The following CSMD1 variants were observed in gnomAD, a reference collection of about 807,000 sequenced individuals.
The protein encoded by CSMD1 is CUB and sushi domain-containing protein 1.
Under a neutral mutation model 417.5 loss-of-function variants are expected in CSMD1, and 213 were observed. That is an observed-to-expected ratio of 0.51 (90% CI 0.46 to 0.57). The LOEUF is 0.57. Among genes scored for constraint, CSMD1 ranks in the 20% least tolerant of loss-of-function variants. CSMD1 has a pLI of 0.00. For missense variants in CSMD1, 6,923 were observed against 4,529.7 expected (o/e 1.53, Z -15.17); for synonymous variants, 2,862 against 1,736.8 (o/e 1.65, Z -16.11).
chr8:4,335,419 A>T (rs933970624), intron 3 of CSMD1, among the ~76,000 whole-genome samples: 1 of 152,134 alleles, frequency 6.6e-6, no homozygotes, highest in African/African-American at 2.4e-5. Flanking sequence ...TCTTTCTGAA[A>T]CACACCAGAA....
intron 1 of CSMD1, among the ~76,000 whole-genome samples, chr8:4,733,068 G>A (rs576476799): frequency 4.6e-5 from 7 of 151,856 alleles, no homozygotes; most frequent in Non-Finnish European, 1.0e-4. Context: ...AAAAAAGACC[G>A]AGGTTGGTAT....
intron 3 of CSMD1, among the ~76,000 whole-genome samples, chr8:4,370,418 G>C (rs1448450763): frequency 6.6e-6 from 1 of 151,934 alleles, no homozygotes; most frequent in African/African-American, 2.4e-5. Context: ...ATATTGTCTT[G>C]GAAAGGGTCA....
intron 2 of CSMD1, among the ~76,000 whole-genome samples, chr8:4,447,627 C>A (rs1377622688): frequency 1.3e-5 from 2 of 152,192 alleles, no homozygotes; most frequent in Non-Finnish European, 2.9e-5. Context: ...TAAGCTTGTT[C>A]AAAGTCGACA....
At chr8:3,252,089 C>A (rs899123287) in intron 26 of CSMD1, among the ~76,000 whole-genome samples, 3 of 152,322 alleles carry the variant, frequency 2.0e-5, no homozygotes, top group Non-Finnish European at 4.4e-5. Context: ...CCAGAACTTC[C>A]AACACTATGT....
At chr8:4,091,333 A>G (rs1046670242) in intron 3 of CSMD1, among the ~76,000 whole-genome samples, 1 of 152,238 alleles carries the variant, frequency 6.6e-6, no homozygotes. Context: ...TGTAGTTAGA[A>G]TGATTCCATC....
At chr8:4,564,606 T>C (rs760876736) in intron 2 of CSMD1, among the ~76,000 whole-genome samples, 1 of 152,290 alleles carries the variant, frequency 6.6e-6, no homozygotes, top group South Asian at 2.1e-4. Flanking sequence ...CAAATCCAGG[T>C]AACAGTTAAG....
chr8:3,359,807 C>A (rs1019900485), intron 20 of CSMD1, among the ~76,000 whole-genome samples: 4 of 152,244 alleles, frequency 2.6e-5, no homozygotes, highest in Non-Finnish European at 4.4e-5. Flanking sequence ...TCTTAAGTAT[C>A]TTGATATGTT....
At chr8:4,720,270 A>T (rs895205323) in intron 1 of CSMD1, among the ~76,000 whole-genome samples, 15 of 151,884 alleles carry the variant, frequency 9.9e-5, no homozygotes, top group Non-Finnish European at 1.9e-4. Flanking sequence ...AGTTGGAAAA[A>T]TTTTTCCAAA....
At chr8:4,846,887 G>C (rs564320760) in intron 1 of CSMD1, among the ~76,000 whole-genome samples, 15 of 152,174 alleles carry the variant, frequency 9.9e-5, no homozygotes, top group East Asian at 7.7e-4. Context: ...TAGAATAATA[G>C]TGAAACTTAC....
intron 1 of CSMD1, among the ~76,000 whole-genome samples, chr8:4,937,331 T>C (rs529642425): frequency 3.9e-4 from 59 of 152,350 alleles, no homozygotes; most frequent in African/African-American, 1.3e-3. Context: ...TTCCACTGTT[T>C]GTTTTTGTAA....
chr8:4,628,004 AT>A (rs973021538), intron 2 of CSMD1, among the ~76,000 whole-genome samples: 2 of 151,430 alleles, frequency 1.3e-5, no homozygotes, highest in Non-Finnish European at 1.5e-5. Context: ...TTAAAAAAAA[AT>A]GTCTCTAGAT....
In CSMD1 at chr8:3,780,674, G is replaced by A. The variant is rs186793029; in HGVS notation, c.819-26632C>T. ...ATCAAGCCCCTCACCTGTGCAAACC[G>A]CTTCAGTTGTCGGCAGAAAGAGCCC... is the stretch of plus-strand genomic sequence containing the variant. On this transcript the variant is annotated intron_variant, in intron 5 of 69. Coordinates refer to ENST00000635120, the MANE Select transcript of CSMD1 (RefSeq NM_033225.6). 4.6e-3 allele frequency among the ~76,000 whole-genome samples: 698 copies of A among 152,282 alleles called. 3 individuals are homozygous for A. The highest frequency in any genetic ancestry group is 5.9e-3 in the Non-Finnish European group (400 of 68,012).
chr8:4,637,973 C>A (rs1229540648), intron 1 of CSMD1, among the ~76,000 whole-genome samples: 1 of 151,982 alleles, frequency 6.6e-6, no homozygotes, highest in Non-Finnish European at 1.5e-5. Flanking sequence ...CCCGGCCTAG[C>A]CAATTTTTAC....
At position 3,893,339 on chromosome 8, in the gene CSMD1, T is replaced by TTATATATGTATA. The variant is rs1231999334; in HGVS notation, c.818+104563_818+104564insTATACATATATA. The stretch of plus-strand genomic sequence containing the variant: ...TCCCAAACTAATAATATTCACAATT[T>TTATATATGTATA]TATATATATATATATATATATATTA... On this transcript the variant is annotated intron_variant, in intron 5 of 69. Transcript: ENST00000635120. Among the ~76,000 whole-genome samples, 4 of 80,440 alleles carry TTATATATGTATA rather than the reference T, an allele frequency of 5.0e-5. 1 individual carries two copies. In the Admixed American group the frequency reaches 6.6e-4, roughly 13 times the overall value. The allele number at this position is 80,440 out of a possible 152,430, so 52.8% of individuals were successfully genotyped here.
In CSMD1 at chr8:3,559,851, G is replaced by C. The variant is rs1250350982; in HGVS notation, c.1344+15094C>G. On this transcript the variant is annotated intron_variant, in intron 10 of 69. Coordinates refer to ENST00000635120, the MANE Select transcript of CSMD1 (RefSeq NM_033225.6). ...ACAAAACATATGGCAAGACTACTAAGAGGCCCCTAGAGTGGACACAGTGAG... is the reference window on the plus strand; with the variant it reads ...ACAAAACATATGGCAAGACTACTAACAGGCCCCTAGAGTGGACACAGTGAG... Among the ~76,000 whole-genome samples the C allele has an allele frequency of 2.6e-5, 4 of 152,134 alleles. No individual in the cohort carries two copies. The East Asian group carries it at 5.8e-4, about 22-fold the overall frequency.
intron 10 of CSMD1, among the ~76,000 whole-genome samples, chr8:3,551,975 T>G (rs181271454): frequency 6.6e-6 from 1 of 152,162 alleles, no homozygotes; most frequent in Non-Finnish European, 1.5e-5. Context: ...TGAGGACTGA[T>G]AGGGATCTCA....
intron 26 of CSMD1, among the ~76,000 whole-genome samples, chr8:3,250,686 G>A (rs929271838): frequency 6.6e-6 from 1 of 152,172 alleles, no homozygotes; most frequent in Non-Finnish European, 1.5e-5. Context: ...CAGTGTAAAA[G>A]TGTTCCTATT....
chr8:4,330,321 G>T (rs76834120), intron 3 of CSMD1, among the ~76,000 whole-genome samples: 1 of 151,522 alleles, frequency 6.6e-6, no homozygotes, highest in Non-Finnish European at 1.5e-5. Flanking sequence ...TGGGCTGGGC[G>T]TGCTGGCTCA....
chr8:3,670,817 GATATATGTATAGGGGAT>G (rs1449300945), intron 7 of CSMD1, among the ~76,000 whole-genome samples: 11 of 150,542 alleles, frequency 7.3e-5, no homozygotes, highest in African/African-American at 9.7e-5. Flanking sequence ...ATGTATATGG[GATATATGTATAGGGGAT>G]ATATATGTAT....
Sources: gnomAD v4.1 joint callset for allele counts (sites outside exome capture counted in the v4.1 genomes callset) on GRCh38, gnomAD v4.1.1 for gene constraint, MANE v1.5 for transcripts, NCBI Gene and HGNC (gene_info 2026-07-23, HGNC 2026-07-21) for gene names.